EEFSEC: variants seen among roughly 807,000 people sequenced by gnomAD.
EEFSEC encodes the protein eukaryotic elongation factor, selenocysteine-tRNA specific.
EEFSEC carries 43 observed loss-of-function variants against 42.1 expected under a neutral mutation model. That is an observed-to-expected ratio of 1.02 (90% CI 0.80 to 1.32). The LOEUF is 1.32. Among genes scored for constraint, EEFSEC ranks in the 40% most tolerant of loss-of-function variants. EEFSEC has a pLI of 0.00. For synonymous variants in EEFSEC, 354 were observed against 339.1 expected (o/e 1.04, Z -0.48); for missense variants, 745 against 803.6 (o/e 0.93, Z 0.88).
intron 2 of EEFSEC, among the ~76,000 whole-genome samples, chr3:128,253,262 G>T (rs1348957915): frequency 6.6e-6 from 1 of 152,204 alleles, no homozygotes; most frequent in Non-Finnish European, 1.5e-5. Context: ...TGAGCCTCAG[G>T]CTCAGGGCGT....
chr3:128,161,094 C>T (rs2065181485), intron 1 of EEFSEC, among the ~76,000 whole-genome samples: 3 of 152,110 alleles, frequency 2.0e-5, no homozygotes. Context: ...GGTTTGAACC[C>T]ATATTGATCT....
chr3:128,326,366 C>A (rs1326236106), intron 4 of EEFSEC, among the ~76,000 whole-genome samples: 1 of 152,212 alleles, frequency 6.6e-6, no homozygotes, highest in Non-Finnish European at 1.5e-5. Flanking sequence ...AGACTCCCAC[C>A]ATCTCTTTTG....
At chr3:128,256,539 G>A (rs1576585228) in intron 2 of EEFSEC, among the ~76,000 whole-genome samples, 1 of 152,200 alleles carries the variant, frequency 6.6e-6, no homozygotes, top group African/African-American at 2.4e-5. Flanking sequence ...ACTGGCAGCC[G>A]GGCCAGGCTG....
chr3:128,282,946 C>T (rs2066543861), intron 4 of EEFSEC, among the ~76,000 whole-genome samples: 1 of 152,258 alleles, frequency 6.6e-6, no homozygotes, highest in Non-Finnish European at 1.5e-5. Flanking sequence ...GACTAGAGCG[C>T]TGGGCTCCCT....
chr3:128,383,896 C>T (rs980030681), intron 6 of EEFSEC, among the ~76,000 whole-genome samples: 20 of 152,362 alleles, frequency 1.3e-4, no homozygotes, highest in African/African-American at 4.6e-4. Flanking sequence ...CCCACGCCAG[C>T]CCACTGTGGC....
intron 4 of EEFSEC, among the ~76,000 whole-genome samples, chr3:128,339,425 G>T (rs1204417129): frequency 6.6e-6 from 1 of 152,194 alleles, no homozygotes; most frequent in Non-Finnish European, 1.5e-5. Context: ...TTGATGGCAG[G>T]TCTTCTGAAA....
At chr3:128,256,232 C>T (rs2066240528) in intron 2 of EEFSEC, among the ~76,000 whole-genome samples, 1 of 152,102 alleles carries the variant, frequency 6.6e-6, no homozygotes, top group Non-Finnish European at 1.5e-5. Flanking sequence ...GTGCCTTCAG[C>T]AGGTAATAGT....
Position 128,391,644 on chromosome 3 carries a change from A to T in EEFSEC, c.1601-16425A>T, listed in dbSNP as rs1405584492. ...GGCTCTTCTCTCTCAGCACATTTTT[A>T]AAGTTTGGTTCCTGGCACCCGTTCC... On this transcript the variant is annotated intron_variant, in intron 6 of 6. Coordinates refer to ENST00000254730, the MANE Select transcript of EEFSEC (RefSeq NM_021937.5). 2.0e-5 allele frequency among the ~76,000 whole-genome samples: 3 copies of T among 152,150 alleles called. No individual in the cohort carries two copies. The East Asian group carries it at 5.8e-4, about 29-fold the overall frequency.
chr3:128,391,508 G>A (rs759170784), intron 6 of EEFSEC, among the ~76,000 whole-genome samples: 2 of 152,346 alleles, frequency 1.3e-5, no homozygotes, highest in Non-Finnish European at 2.9e-5. Context: ...TCGTGGTGGT[G>A]CCCTCCAGGC....
intron 1 of EEFSEC, among the ~76,000 whole-genome samples, chr3:128,164,730 G>A (rs1196071791): frequency 2.0e-5 from 3 of 152,164 alleles, no homozygotes; most frequent in African/African-American, 7.2e-5. Flanking sequence ...GAGTGTGACT[G>A]GGGTATCAGG....
chr3:128,358,493 C>T lies in EEFSEC; in HGVS notation c.1600+120C>T, dbSNP rs539849357. On this transcript the variant is annotated intron_variant, in intron 6 of 6. Transcript: ENST00000254730. ...TCCTAATCCTGCCTTTGCCGAGACA[C>T]GGGGTGACTTGGCCTGCCTGGCAGC... 2.9e-5 allele frequency: 42 copies of T among 1,432,706 alleles called. No homozygotes were observed. In the African/African-American group the frequency reaches 4.4e-4, roughly 15 times the overall value. The allele number at this position is 1,432,706 out of a possible 1,614,324, so 88.7% of individuals were successfully genotyped here.
In EEFSEC at chr3:128,264,841, T is replaced by C. The variant is rs934188612; in HGVS notation, c.786+60T>C. On this transcript the variant is annotated intron_variant, in intron 4 of 6. Transcript: ENST00000254730. The stretch of plus-strand genomic sequence containing the variant: ...CGCTGGCAGCAAGGGAGGGGGACTG[T>C]CCCTTTGTCTGTTCAGCTGCTGAGC... 4.5e-6 allele frequency: 7 copies of C among 1,550,842 alleles called. No homozygotes were observed. In the African/African-American group the frequency reaches 8.1e-5, roughly 18 times the overall value.
At chr3:128,342,859 C>T (rs2067271113) in intron 5 of EEFSEC, among the ~76,000 whole-genome samples, 1 of 152,264 alleles carries the variant, frequency 6.6e-6, no homozygotes, top group Admixed American at 6.5e-5. Flanking sequence ...CAGCTGTCCA[C>T]ACAGTGCTGA....
chr3:128,379,975 C>G (rs1167118352), intron 6 of EEFSEC, among the ~76,000 whole-genome samples: 1 of 152,228 alleles, frequency 6.6e-6, no homozygotes, highest in Non-Finnish European at 1.5e-5. Flanking sequence ...GGCCTCGGCC[C>G]CTGTGTGTTG....
In EEFSEC at chr3:128,393,124, A is replaced by C. The variant is rs138879348; in HGVS notation, c.1601-14945A>C. ...ATACTTTGTTTAAAAAACAAAGAAG[A>C]AGCTTTCTTTCCAGAGCCCTCTGTG... is the stretch of plus-strand genomic sequence containing the variant. On this transcript the variant is annotated intron_variant, in intron 6 of 6. Transcript: ENST00000254730. Among the ~76,000 whole-genome samples the C allele has an allele frequency of 1.0e-3, 152 of 152,322 alleles. 1 individual carries two copies. The highest frequency in any genetic ancestry group is 1.3e-3 in the Non-Finnish European group (87 of 68,024).
chr3:128,342,452 AC>A (rs749098704), intron 5 of EEFSEC, among the ~76,000 whole-genome samples: 32 of 152,170 alleles, frequency 2.1e-4, no homozygotes, highest in Non-Finnish European at 4.3e-4. Flanking sequence ...TCACCTGTGG[AC>A]TGAGGGGAAG....
rs116353475 is a variant in EEFSEC at position 128,262,143 on chromosome 3, G to A, written c.540G>A (p.Pro180=). The change falls in exon 3 of 7, where the codon CCG becomes CCA. Residue 180 remains proline (P), a synonymous_variant. Coordinates refer to ENST00000254730, the MANE Select transcript of EEFSEC (RefSeq NM_021937.5). ...TLENTKFRGA[P]IIPVAAKPGG... is the part of the protein sequence containing the mutation. ...TCCATTTCAGGTTCCGAGGTGCACC[G>A]ATTATACCCGTGGCGGCCAAGCCGG... 2.8e-3 allele frequency: 4,539 copies of A among 1,614,084 alleles called. 92 individuals are homozygous for A. In the African/African-American group the frequency reaches 0.051, roughly 18 times the overall value.
chr3:128,367,734 C>T (rs1202636642), intron 6 of EEFSEC: 2 of 985,464 alleles, frequency 2.0e-6, no homozygotes, highest in East Asian at 2.3e-4. Context: ...ACAGTTGGTG[C>T]TGTGGCCCCA....
chr3:128,203,229 A>T (rs542880596), intron 1 of EEFSEC, among the ~76,000 whole-genome samples: 3 of 152,214 alleles, frequency 2.0e-5, no homozygotes, highest in African/African-American at 4.8e-5. Context: ...CAACTTCCTA[A>T]TGGAATTTGT....
Sources: allele counts gnomAD v4.1 joint callset (sites outside exome capture counted in the v4.1 genomes callset), GRCh38; gene constraint gnomAD v4.1.1; transcripts MANE v1.5; gene names NCBI Gene and HGNC (gene_info 2026-07-23, HGNC 2026-07-21).